KCNIP4: variants seen among roughly 807,000 people sequenced by gnomAD.
KCNIP4 encodes Kv channel-interacting protein 4.
A neutral mutation model predicts 34.0 loss-of-function variants in KCNIP4; 12 were observed. That is an observed-to-expected ratio of 0.35 (90% CI 0.23 to 0.57). KCNIP4 has a LOEUF of 0.57. Among genes scored for constraint, KCNIP4 ranks in the 20% least tolerant of loss-of-function variants. The pLI is 0.83. For missense variants in KCNIP4, 238 were observed against 311.7 expected, an observed-to-expected ratio of 0.76 and a Z score of 1.78; for synonymous variants, 124 against 102.2, an observed-to-expected ratio of 1.21 and a Z score of -1.29.
rs1350989390 is a variant in KCNIP4 at position 21,390,161 on chromosome 4, CTTGTAAAT to C, written c.62-507460_62-507453del. Among the ~76,000 whole-genome samples, 11 of 152,118 alleles carry C rather than the reference CTTGTAAAT, an allele frequency of 7.2e-5. No homozygotes were observed. In the East Asian group the frequency reaches 1.9e-3, roughly 27 times the overall value. ...TTTTGATGGGGTTGTTTGTTTTTTTCTTGTAAATTTGTTGGAGTTCTTTGTAGATTCTG... is the reference window on the plus strand; with the variant it reads ...TTTTGATGGGGTTGTTTGTTTTTTTCTTGTTGGAGTTCTTTGTAGATTCTG... On this transcript the variant is annotated intron_variant, in intron 1 of 8. Coordinates refer to ENST00000382152, the MANE Select transcript of KCNIP4 (RefSeq NM_025221.6).
intron 1 of KCNIP4, among the ~76,000 whole-genome samples, chr4:21,098,292 C>T (rs1044834533): frequency 6.6e-6 from 1 of 152,100 alleles, no homozygotes; most frequent in African/African-American, 2.4e-5. Flanking sequence ...ATGGAGGGGG[C>T]TGCATTAAAT....
At chr4:21,709,980 T>C (rs1713593841) in intron 1 of KCNIP4, among the ~76,000 whole-genome samples, 1 of 152,182 alleles carries the variant, frequency 6.6e-6, no homozygotes, top group Non-Finnish European at 1.5e-5. Context: ...TGCCAGCACA[T>C]GCAACTTTTA....
intron 1 of KCNIP4, among the ~76,000 whole-genome samples, chr4:21,171,577 T>C (rs1265019030): frequency 6.6e-6 from 1 of 152,206 alleles, no homozygotes; most frequent in Non-Finnish European, 1.5e-5. Context: ...AGAATCCCTC[T>C]GTCAGAAGAA....
At chr4:21,729,700 A>G (rs1715450707) in intron 1 of KCNIP4, 1 of 150,412 alleles carries the variant, frequency 6.6e-6, no homozygotes, top group African/African-American at 2.5e-5. Context: ...GTGAAACAGA[A>G]CTCTGCAAAT....
rs551718297 is a variant in KCNIP4 at position 21,393,863 on chromosome 4, GT to G, written c.62-511155del. On this transcript the variant is annotated intron_variant, in intron 1 of 8. Transcript: ENST00000382152. ...AACTTAAAAGACACCTTAGTAGAGT[GT>G]TGATAAACACTCCAATAATTAATCT... Among the ~76,000 whole-genome samples, 921 of 152,220 alleles carry G rather than the reference GT, an allele frequency of 6.1e-3. 20 individuals carry two copies. Among genetic ancestry groups the G allele is most frequent in the African/African-American group, 0.021 (865 of 41,536 alleles).
In KCNIP4 at chr4:21,192,963, A is replaced by T. The variant is rs536115191; in HGVS notation, c.62-310254T>A. Among the ~76,000 whole-genome samples the T allele has an allele frequency of 4.2e-3, 471 of 112,552 alleles. 8 individuals are homozygous for T. In the South Asian group the frequency reaches 0.044, roughly 10 times the overall value. 73.8% of individuals were successfully genotyped at this position (112,552 alleles called of 152,430 possible). The stretch of plus-strand genomic sequence containing the variant: ...TACTACTACTACTACTAATAATAAT[A>T]ATAATTAGTTGGGTGTGGTGGCACA... On this transcript the variant is annotated intron_variant, in intron 1 of 8. Transcript: ENST00000382152.
chr4:21,416,040 G>A (rs898295401), intron 1 of KCNIP4, among the ~76,000 whole-genome samples: 2 of 152,222 alleles, frequency 1.3e-5, no homozygotes, highest in Non-Finnish European at 2.9e-5. Flanking sequence ...CTCACCATCA[G>A]AAGGCTGGAA....
intron 1 of KCNIP4, among the ~76,000 whole-genome samples, chr4:21,552,134 G>A (rs1439772800): frequency 6.6e-6 from 1 of 151,522 alleles, no homozygotes; most frequent in Non-Finnish European, 1.5e-5. Flanking sequence ...TGGAATTAGT[G>A]CAGTAAAGTT....
At chr4:21,681,472 C>G (rs931924578) in intron 1 of KCNIP4, among the ~76,000 whole-genome samples, 1 of 152,146 alleles carries the variant, frequency 6.6e-6, no homozygotes, top group Non-Finnish European at 1.5e-5. Flanking sequence ...ATGATCTTAG[C>G]TGGATCTTCT....
intron 1 of KCNIP4, among the ~76,000 whole-genome samples, chr4:21,043,760 T>C (rs1046788420): frequency 7.9e-5 from 12 of 152,218 alleles, no homozygotes; most frequent in Middle Eastern, 3.2e-3. Context: ...TAACCAGTTA[T>C]GTATCAAATA....
At chr4:20,756,434 C>A (rs535192339) in intron 4 of KCNIP4, among the ~76,000 whole-genome samples, 21 of 152,096 alleles carry the variant, frequency 1.4e-4, no homozygotes, top group Non-Finnish European at 2.8e-4. Context: ...TTAACATCTC[C>A]TTCTTTACCA....
chr4:20,740,897 CAA>C (rs532853776), intron 5 of KCNIP4, among the ~76,000 whole-genome samples: 76 of 149,732 alleles, frequency 5.1e-4, no homozygotes, highest in African/African-American at 1.8e-3. Context: ...AAATGGAAAA[CAA>C]AAAAAAAGCA....
intron 1 of KCNIP4, among the ~76,000 whole-genome samples, chr4:21,530,281 C>T (rs1230442261): frequency 6.6e-6 from 1 of 152,082 alleles, no homozygotes; most frequent in Non-Finnish European, 1.5e-5. Context: ...CTAGGTTATA[C>T]AGCTCTAGCT....
rs1031222644 is a variant in KCNIP4 at position 21,179,479 on chromosome 4, T to C, written c.62-296770A>G. Among the ~76,000 whole-genome samples, 4 of 152,160 alleles carry C rather than the reference T, an allele frequency of 2.6e-5. 1 individual carries two copies. Among genetic ancestry groups the C allele is most frequent in the African/African-American group, 9.7e-5 (4 of 41,424 alleles). On this transcript the variant is annotated intron_variant, in intron 1 of 8. Transcript: ENST00000382152. ...GAAAATGCCCCAGTGGTCAACAATA[T>C]AGGTTAGCTAAATAAATTAGGGCAA...
At chr4:21,112,041 C>CTATCTATCTATCTATCTATCTATA (rs1749242509) in intron 1 of KCNIP4, among the ~76,000 whole-genome samples, 1 of 151,642 alleles carries the variant, frequency 6.6e-6, no homozygotes, top group African/African-American at 2.4e-5. Context: ...ATCTATCTAT[C>CTATCTATCTATCTATCTATCTATA]TATCTATCTA....
At chr4:21,238,564 C>A (rs1759551258) in intron 1 of KCNIP4, among the ~76,000 whole-genome samples, 1 of 152,286 alleles carries the variant, frequency 6.6e-6, no homozygotes, top group African/African-American at 2.4e-5. Flanking sequence ...GCAAAAATCA[C>A]AAGCATTCTT....
chr4:21,857,317 G>C (rs1486279260), intron 1 of KCNIP4, among the ~76,000 whole-genome samples: 1 of 152,108 alleles, frequency 6.6e-6, no homozygotes, highest in Non-Finnish European at 1.5e-5. Flanking sequence ...GAACTAAAAA[G>C]AGATCACAAG....
intron 1 of KCNIP4, among the ~76,000 whole-genome samples, chr4:21,301,898 A>T (rs1229587091): frequency 3.9e-5 from 6 of 152,218 alleles, no homozygotes; most frequent in Non-Finnish European, 8.8e-5. Context: ...ACAGACTTCC[A>T]AATGAAAAAC....
At chr4:21,236,103 T>C (rs997019603) in intron 1 of KCNIP4, among the ~76,000 whole-genome samples, 1 of 152,058 alleles carries the variant, frequency 6.6e-6, no homozygotes, top group Non-Finnish European at 1.5e-5. Context: ...GAGACCAGCC[T>C]AGGCAACATG....
Sources: allele counts gnomAD v4.1 joint callset (sites outside exome capture counted in the v4.1 genomes callset), GRCh38; gene constraint gnomAD v4.1.1; transcripts MANE v1.5; gene names NCBI Gene and HGNC (gene_info 2026-07-23, HGNC 2026-07-21).